DCAF8L2: variants seen among roughly 807,000 people sequenced by gnomAD.
DCAF8L2 encodes the protein DDB1- and CUL4-associated factor 8-like protein 2.
For synonymous variants in DCAF8L2, 200 were observed against 190.9 expected, an observed-to-expected ratio of 1.05 and a Z score of -0.39; for missense variants, 430 against 490.7, an observed-to-expected ratio of 0.88 and a Z score of 1.17.
chrX:27,678,184 C>G (rs1024237112), intron 3 of DCAF8L2, among the ~76,000 whole-genome samples: 4 of 111,435 alleles, frequency 3.6e-5, no homozygotes, highest in Admixed American at 1.9e-4. Flanking sequence ...GGAGGAAAGA[C>G]AAAACGTTTT....
chrX:27,559,996 G>T, the DCAF8L2 span, among the ~76,000 whole-genome samples: 2 of 110,688 alleles, frequency 1.8e-5, no homozygotes, highest in Non-Finnish European at 3.8e-5. Context: ...AGCCGGGCAC[G>T]GTGGCTCATG....
intron 1 of DCAF8L2, among the ~76,000 whole-genome samples, chrX:27,604,150 C>G (rs1249223722): frequency 9.0e-6 from 1 of 110,838 alleles, no homozygotes; most frequent in African/African-American, 3.3e-5. Context: ...GTTTTTTTCT[C>G]CCTTCAGCTT....
intron 3 of DCAF8L2, among the ~76,000 whole-genome samples, chrX:27,699,104 AG>A (rs1278647187): frequency 8.9e-6 from 1 of 112,051 alleles, no homozygotes; most frequent in Non-Finnish European, 1.9e-5. Context: ...TAATAAGCAA[AG>A]CAAGAAATGT....
chrX:27,545,550 G>A, the DCAF8L2 span, among the ~76,000 whole-genome samples: 1 of 111,441 alleles, frequency 9.0e-6, no homozygotes, highest in African/African-American at 3.3e-5. Context: ...TGCTGGGGGA[G>A]GAACCTGGTA....
the DCAF8L2 span, among the ~76,000 whole-genome samples, chrX:27,557,681 G>C: frequency 1.8e-4 from 20 of 111,524 alleles, no homozygotes; most frequent in Admixed American, 9.6e-5. Flanking sequence ...TGCTCAGTGA[G>C]AGATATGGGC....
At chrX:27,628,697 G>A (rs1461525263) in intron 1 of DCAF8L2, among the ~76,000 whole-genome samples, 1 of 107,091 alleles carries the variant, frequency 9.3e-6, no homozygotes, top group African/African-American at 3.4e-5. Context: ...TCCGCCTCCC[G>A]GGTTCACGCC....
chrX:27,651,505 CTTTTTTTTTT>C (rs1170253991), intron 2 of DCAF8L2, among the ~76,000 whole-genome samples: 2 of 88,217 alleles, frequency 2.3e-5, no homozygotes, highest in African/African-American at 8.8e-5. Context: ...AGTAGATAAC[CTTTTTTTTTT>C]TTTTTTTTTT....
At chrX:27,614,720 C>T (rs1412154719) in intron 1 of DCAF8L2, among the ~76,000 whole-genome samples, 7 of 111,659 alleles carry the variant, frequency 6.3e-5, no homozygotes, top group Non-Finnish European at 1.1e-4. Context: ...ACCCAGTAGT[C>T]ATTCAGGAGC....
At chrX:27,478,403 G>T in the DCAF8L2 span, among the ~76,000 whole-genome samples, 9 of 112,023 alleles carry the variant, frequency 8.0e-5, no homozygotes, top group African/African-American at 2.9e-4. Context: ...TAAGGATAAT[G>T]AAATATCTGA....
At chrX:27,493,724 G>GA in the DCAF8L2 span, among the ~76,000 whole-genome samples, 20 of 26,886 alleles carry the variant, frequency 7.4e-4, no homozygotes, top group African/African-American at 1.2e-3. Flanking sequence ...AAAAAAAAAA[G>GA]AAAAAAAAAA....
intron 2 of DCAF8L2, among the ~76,000 whole-genome samples, chrX:27,635,830 T>TGA (rs1555922210): frequency 2.0e-5 from 2 of 98,740 alleles, no homozygotes; most frequent in Non-Finnish European, 4.2e-5. Context: ...TGTGTGTGTG[T>TGA]GATGGAGTTT....
At chrX:27,589,632 T>C (rs1056948360), upstream of DCAF8L2, among the ~76,000 whole-genome samples, 3 of 112,150 alleles carry the variant, frequency 2.7e-5, no homozygotes, top group African/African-American at 9.7e-5. Context: ...ATTTGAATTT[T>C]ATCTTCCCAT....
chrX:27,724,510 C>G (rs1040506900), intron 4 of DCAF8L2, among the ~76,000 whole-genome samples: 20 of 110,436 alleles, frequency 1.8e-4, no homozygotes, highest in African/African-American at 6.5e-4. Flanking sequence ...TATAAAAATT[C>G]TTTAATTTTC....
chrX:27,746,976 T>C lies in DCAF8L2; in HGVS notation c.81T>C (p.Ser27=), dbSNP rs1338118552. ...ESLFSSPEEQ[S]GAVAATEASS... Reference sequence around the variant, plus strand: ...TGTTCAGCAGCCCAGAGGAGCAGTCTGGAGCCGTGGCGGCGACAGAGGCCT... The same window carrying C: ...TGTTCAGCAGCCCAGAGGAGCAGTCCGGAGCCGTGGCGGCGACAGAGGCCT... The change falls in exon 5 of 5, where the codon TCT becomes TCC. Residue 27 remains serine, a synonymous_variant. Transcript: ENST00000451261. 8 of 1,199,999 alleles carry C rather than the reference T, an allele frequency of 6.7e-6. No individual in the cohort carries two copies. Among genetic ancestry groups the C allele is most frequent in the Non-Finnish European group, 9.0e-6 (8 of 889,634 alleles).
chrX:27,662,312 T>C (rs1032941900), intron 2 of DCAF8L2, among the ~76,000 whole-genome samples: 1 of 111,527 alleles, frequency 9.0e-6, no homozygotes, highest in Non-Finnish European at 1.9e-5. Context: ...AATTAGTCTA[T>C]TTATTCTTAG....
At chrX:27,543,268 A>G in the DCAF8L2 span, among the ~76,000 whole-genome samples, 2 of 111,570 alleles carry the variant, frequency 1.8e-5, no homozygotes, top group East Asian at 2.8e-4. Context: ...ATTTTTGTCT[A>G]CTTTGTTGAA....
At chrX:27,549,132 T>C in the DCAF8L2 span, among the ~76,000 whole-genome samples, 1 of 111,357 alleles carries the variant, frequency 9.0e-6, no homozygotes, top group Admixed American at 9.6e-5. Context: ...CAGTAGGAGG[T>C]AGCATTATTT....
At chrX:27,561,998 G>C in the DCAF8L2 span, among the ~76,000 whole-genome samples, 11 of 111,753 alleles carry the variant, frequency 9.8e-5, no homozygotes, top group Middle Eastern at 4.6e-3. Flanking sequence ...TTTTTCCAAA[G>C]TGACTGGACC....
chrX:27,568,509 C>A, the DCAF8L2 span, among the ~76,000 whole-genome samples: 1 of 111,145 alleles, frequency 9.0e-6, no homozygotes, highest in Admixed American at 9.6e-5. Context: ...CTATTTTTTT[C>A]TCTAGACAGG....
Sources: allele counts gnomAD v4.1 joint callset (sites outside exome capture counted in the v4.1 genomes callset), GRCh38; gene constraint gnomAD v4.1.1; transcripts MANE v1.5; gene names NCBI Gene and HGNC (gene_info 2026-07-23, HGNC 2026-07-21).